The following BTBD7 variants were observed in gnomAD, a reference collection of about 807,000 sequenced individuals.
BTBD7 encodes BTB domain containing 7, also known as BTB/POZ domain-containing protein 7.
Under a neutral mutation model 99.9 loss-of-function variants are expected in BTBD7, and 38 were observed. The ratio of observed to expected loss-of-function variants is 0.38; its 90% confidence interval spans 0.29 to 0.50. The LOEUF (loss-of-function observed/expected upper bound fraction) is 0.50. Ranked by LOEUF, BTBD7 falls within the 20% of genes least tolerant of loss-of-function variation. The probability of loss-of-function intolerance (pLI) is 0.93; values close to 1 mark genes in which losing one functional copy is unlikely to be tolerated. For missense variants in BTBD7, 1,170 were observed against 1,394.6 expected (o/e 0.84, Z 2.57); for synonymous variants, 520 against 511.4 (o/e 1.02, Z -0.23).
intron 3 of BTBD7, among the ~76,000 whole-genome samples, chr14:93,287,144 G>T (rs1000906401): frequency 6.6e-6 from 1 of 151,664 alleles, no homozygotes; most frequent in Non-Finnish European, 1.5e-5. Flanking sequence ...CAGGAGAATC[G>T]CTTGAACCTG....
At chr14:93,281,129 G>C (rs1372275405) in intron 3 of BTBD7, among the ~76,000 whole-genome samples, 1 of 151,474 alleles carries the variant, frequency 6.6e-6, no homozygotes, top group African/African-American at 2.4e-5. Context: ...GCCTCCCAAA[G>C]AGCTGGGACC....
chr14:93,315,642 T>C (rs1008701522), intron 1 of BTBD7, among the ~76,000 whole-genome samples: 38 of 152,226 alleles, frequency 2.5e-4, no homozygotes, highest in African/African-American at 8.9e-4. Flanking sequence ...TTTATATAAA[T>C]GGGATCATAT....
intron 8 of BTBD7, among the ~76,000 whole-genome samples, chr14:93,249,958 A>G (rs1217441864): frequency 2.0e-5 from 3 of 152,224 alleles, no homozygotes; most frequent in Non-Finnish European, 4.4e-5. Flanking sequence ...ACTTTGTGCC[A>G]GGCAAACTCC....
At chr14:93,257,399 T>C in intron 5 of BTBD7, 44 bp from the exon 6 acceptor site, 10 of 1,560,968 alleles carry the variant, frequency 6.4e-6, no homozygotes, top group Non-Finnish European at 8.7e-6. Context: ...ATCCAAATGT[T>C]CTGAGACAGG....
chr14:93,266,186 G>T (rs1350068619), intron 3 of BTBD7, among the ~76,000 whole-genome samples: 1 of 151,504 alleles, frequency 6.6e-6, no homozygotes, highest in African/African-American at 2.4e-5. Context: ...TTCACTGAAT[G>T]AATGCAAAAT....
chr14:93,310,523 G>A (rs1295957886), intron 1 of BTBD7, among the ~76,000 whole-genome samples: 1 of 152,002 alleles, frequency 6.6e-6, no homozygotes, highest in Non-Finnish European at 1.5e-5. Context: ...TCTGACTCTT[G>A]TATTTACAGT....
intron 1 of BTBD7, among the ~76,000 whole-genome samples, chr14:93,321,466 G>A (rs1255339727): frequency 6.6e-6 from 1 of 152,178 alleles, no homozygotes; most frequent in Non-Finnish European, 1.5e-5. Flanking sequence ...GGTGGTGCGT[G>A]CCTGTAATCC....
intron 1 of BTBD7, among the ~76,000 whole-genome samples, chr14:93,328,394 T>C (rs924189472): frequency 2.6e-5 from 4 of 152,056 alleles, no homozygotes; most frequent in African/African-American, 4.8e-5. Context: ...TAGAGTGGTA[T>C]TGGCATAAAA....
At chr14:93,273,720 T>C (rs910478944) in intron 3 of BTBD7, among the ~76,000 whole-genome samples, 9 of 152,206 alleles carry the variant, frequency 5.9e-5, no homozygotes, top group African/African-American at 9.6e-5. Flanking sequence ...GAAAAGATAA[T>C]GCTTGTTCTC....
At chr14:93,261,874 T>A (rs1367934759) in intron 4 of BTBD7, among the ~76,000 whole-genome samples, 197 bp from the exon 5 acceptor site, 1 of 152,234 alleles carries the variant, frequency 6.6e-6, no homozygotes, top group Non-Finnish European at 1.5e-5. Flanking sequence ...ATATATTTTA[T>A]CCAGTAACCT....
At chr14:93,316,593 A>G (rs188630187) in intron 1 of BTBD7, among the ~76,000 whole-genome samples, 5 of 152,282 alleles carry the variant, frequency 3.3e-5, no homozygotes, top group Admixed American at 2.6e-4. Context: ...ACTCCCCACT[A>G]TAAGGTAAAC....
chr14:93,294,790 T>C lies in BTBD7; in HGVS notation c.230A>G (p.Asn77Ser), dbSNP rs1464241201. The C allele has an allele frequency of 1.2e-6, 2 of 1,613,960 alleles. No individual in the cohort carries two copies. The highest frequency in any genetic ancestry group is 1.7e-6 in the Non-Finnish European group (2 of 1,179,998). The change falls in exon 3 of 11, where the codon AAT becomes AGT. Residue 77 changes from asparagine to serine, a missense_variant. Asn to Ser is a conservative substitution (Grantham distance 46). Coordinates refer to ENST00000334746, the MANE Select transcript of BTBD7 (RefSeq NM_001002860.4). ...KKKFIKRRKS[N>S]RSADHAKQMR... ...CTGCTTGGCATGATCGGCAGACCTA[T>C]TAGATTTCCGACGCTTAATAAACTT... is the stretch of plus-strand genomic sequence containing the variant.
intron 1 of BTBD7, among the ~76,000 whole-genome samples, chr14:93,297,088 T>C (rs1217011259): frequency 6.6e-6 from 1 of 152,214 alleles, no homozygotes; most frequent in African/African-American, 2.4e-5. Flanking sequence ...ATTATTGGAA[T>C]TGTTAAGAAA....
chr14:93,326,532 T>C (rs2053334272), intron 1 of BTBD7, among the ~76,000 whole-genome samples: 1 of 152,162 alleles, frequency 6.6e-6, no homozygotes, highest in African/African-American at 2.4e-5. Flanking sequence ...CCAGACATGG[T>C]AGCTCACGCC....
intron 1 of BTBD7, among the ~76,000 whole-genome samples, chr14:93,317,363 C>CTT (rs35376162): frequency 7.5e-5 from 11 of 146,516 alleles, no homozygotes; most frequent in East Asian, 2.0e-4. Context: ...AATGTTGATA[C>CTT]TTTTTTTTTT....
chr14:93,241,714 G>T lies in BTBD7; in HGVS notation c.*559C>A, dbSNP rs1302902458. 6.5e-6 allele frequency: 1 copy of T among 153,106 alleles called. No homozygotes were observed. The highest frequency in any genetic ancestry group is 1.5e-5 in the Non-Finnish European group (1 of 68,488). 9.5% of individuals were successfully genotyped at this position (153,106 alleles called of 1,614,324 possible). ...AAAAAATGACATTAGATTTATGGAG[G>T]CTGAGCGGGAAGATCTCTGAACTAA... is the stretch of plus-strand genomic sequence containing the variant. On this transcript the variant is annotated 3_prime_UTR_variant, in exon 11 of 11. Coordinates refer to ENST00000334746, the MANE Select transcript of BTBD7 (RefSeq NM_001002860.4).
Position 93,263,810 on chromosome 14 carries a change from G to A in BTBD7, c.1346C>T (p.Thr449Ile). 6.2e-7 allele frequency: 1 copy of A among 1,614,132 alleles called. No homozygotes were observed. Among genetic ancestry groups the A allele is most frequent in the Non-Finnish European group, 8.5e-7 (1 of 1,179,976 alleles). Reference sequence around the variant, plus strand: ...CTGTAGGTAGTCAGACTGGATAGCAGTAAGCAGATGGTCTTTGCTGAGTTC... The same window carrying A: ...CTGTAGGTAGTCAGACTGGATAGCAATAAGCAGATGGTCTTTGCTGAGTTC... ...FYELSKDHLL[T>I]AIQSDYLQAS... Residue 449 changes from threonine to isoleucine, a missense_variant, in exon 4 of 11, where the codon ACT becomes ATT. Around this residue, in one of 4 missense-constraint regions of BTBD7, gnomAD observed 309 missense variants for 342.0 expected, o/e 0.90. Transcript: ENST00000334746.
rs765948244 is a variant in BTBD7 at position 93,253,944 on chromosome 14, A to AT, written c.1609-155dup. Among the ~76,000 whole-genome samples, 839 of 146,778 alleles carry AT rather than the reference A, an allele frequency of 5.7e-3. 3 individuals are homozygous for AT. The highest frequency in any genetic ancestry group is 9.7e-3 in the African/African-American group (392 of 40,334). On this transcript the variant is annotated intron_variant, in intron 6 of 10. Coordinates refer to ENST00000334746, the MANE Select transcript of BTBD7 (RefSeq NM_001002860.4). ...TATATGAAATTTAGAAATACCTCAA[A>AT]TTTTTTTTTTTTTGAGACAGAGTCT... is the stretch of plus-strand genomic sequence containing the variant.
chr14:93,265,816 G>A (rs1189381065), intron 3 of BTBD7, among the ~76,000 whole-genome samples: 1 of 151,726 alleles, frequency 6.6e-6, no homozygotes, highest in Admixed American at 6.6e-5. Flanking sequence ...CAGCTACTCA[G>A]GAGGCTGAGG....
Sources: allele counts gnomAD v4.1 joint callset (sites outside exome capture counted in the v4.1 genomes callset), GRCh38; gene constraint gnomAD v4.1.1; regional missense constraint gnomAD v4.1.1; transcripts MANE v1.5; gene names NCBI Gene and HGNC (gene_info 2026-07-23, HGNC 2026-07-21).